Variants in MATCAP1 observed in about 807,000 individuals in gnomAD.
The protein encoded by MATCAP1 is microtubule-associated tyrosine carboxypeptidase 1.
the MATCAP1 span, chr16:67,178,173 G>A: frequency 1.3e-6 from 2 of 1,526,018 alleles, no homozygotes; most frequent in Non-Finnish European, 8.9e-7. Context: ...CCCGGCTCTA[G>A]GCACCTCCCC....
chr16:67,176,853 G>A, the MATCAP1 span: 2 of 1,608,498 alleles, frequency 1.2e-6, no homozygotes, highest in African/African-American at 2.7e-5. This position sits in a 1 kb window ranked among gnomAD's most constrained non-coding sequence, Gnocchi z 4.3. Context: ...CATCCAGCCG[G>A]TTGGTGGCCA....
the MATCAP1 span, chr16:67,176,654 A>G: frequency 1.5e-6 from 1 of 659,656 alleles, no homozygotes; most frequent in Non-Finnish European, 2.4e-6. The surrounding 1 kb of genome is among the most constrained non-coding windows in gnomAD (Gnocchi z 4.3). Context: ...GGACACAAAC[A>G]CTTTGATGTT....
the MATCAP1 span, chr16:67,179,937 C>T: frequency 6.2e-7 from 1 of 1,614,258 alleles, no homozygotes; most frequent in Non-Finnish European, 8.5e-7. This position sits in a 1 kb window ranked among gnomAD's most constrained non-coding sequence, Gnocchi z 5.2. Context: ...TTCTCCAGAA[C>T]AGCCTCAATG....
the MATCAP1 span, among the ~76,000 whole-genome samples, chr16:67,182,271 A>AT: frequency 6.6e-6 from 1 of 151,504 alleles, no homozygotes; most frequent in Non-Finnish European, 1.5e-5. Flanking sequence ...AAAAAAAAAA[A>AT]GTCACTGCCT....
chr16:67,183,102 A>C, the MATCAP1 span, among the ~76,000 whole-genome samples: 1 of 149,612 alleles, frequency 6.7e-6, no homozygotes, highest in African/African-American at 2.5e-5. Flanking sequence ...CCCCCTCTCC[A>C]CTCCTCTCTA....
the MATCAP1 span, chr16:67,180,542 G>A: frequency 1.3e-6 from 2 of 1,542,088 alleles, no homozygotes; most frequent in African/African-American, 1.4e-5. Flanking sequence ...TATGGCGCAG[G>A]GATGGGGGAC....
chr16:67,178,915 G>A, the MATCAP1 span: 2 of 432,334 alleles, frequency 4.6e-6, no homozygotes, highest in Non-Finnish European at 8.8e-6. Flanking sequence ...AATCACTCTT[G>A]CCCAGAGCAA....
chr16:67,178,179 T>G, the MATCAP1 span: 1 of 940,960 alleles, frequency 1.1e-6, no homozygotes, highest in African/African-American at 2.1e-5. Flanking sequence ...TCTAGGCACC[T>G]CCCCCGCGCT....
At chr16:67,181,803 C>G in the MATCAP1 span, 2 of 152,348 alleles carry the variant, frequency 1.3e-5, no homozygotes, top group Non-Finnish European at 2.9e-5. Flanking sequence ...CTCGAGTCAT[C>G]TATACCCAGT....
At chr16:67,176,930 C>A in the MATCAP1 span, 2 of 1,603,028 alleles carry the variant, frequency 1.2e-6, no homozygotes, top group Non-Finnish European at 1.7e-6. The surrounding 1 kb of genome is among the most constrained non-coding windows in gnomAD (Gnocchi z 4.3). Flanking sequence ...CGGGTATTAT[C>A]CAGCACCCCA....
chr16:67,176,971 G>A, the MATCAP1 span: 1 of 1,548,426 alleles, frequency 6.5e-7, no homozygotes. The surrounding 1 kb of genome is among the most constrained non-coding windows in gnomAD (Gnocchi z 4.3). Flanking sequence ...ATCCTCATAG[G>A]ACACCTGCAG....
chr16:67,178,043 G>T, the MATCAP1 span: 12 of 1,614,208 alleles, frequency 7.4e-6, no homozygotes, highest in East Asian at 2.2e-5. Flanking sequence ...GGAAATCGAT[G>T]GTCTGGCGAT....
At chr16:67,176,234 C>T in the MATCAP1 span, 6 of 152,896 alleles carry the variant, frequency 3.9e-5, no homozygotes, top group African/African-American at 1.5e-4. The surrounding 1 kb of genome is among the most constrained non-coding windows in gnomAD (Gnocchi z 4.3). Context: ...GGAAGTAGAC[C>T]ATATAAATAT....
At chr16:67,180,151 T>C in the MATCAP1 span, 1 of 1,614,086 alleles carries the variant, frequency 6.2e-7, no homozygotes. Flanking sequence ...TGGAAGAACT[T>C]GTCTCGCTCA....
the MATCAP1 span, chr16:67,178,642 C>T: frequency 1.2e-6 from 1 of 805,252 alleles, no homozygotes; most frequent in Non-Finnish European, 2.1e-6. Flanking sequence ...CTCAGGCTCG[C>T]ACACAGGCTC....
chr16:67,182,578 T>C, the MATCAP1 span, among the ~76,000 whole-genome samples: 2 of 152,246 alleles, frequency 1.3e-5, no homozygotes, highest in East Asian at 3.8e-4. Flanking sequence ...CAAGCAATCT[T>C]CCCACCTCAG....
the MATCAP1 span, chr16:67,178,646 C>T: frequency 1.3e-6 from 1 of 783,424 alleles, no homozygotes; most frequent in Non-Finnish European, 2.2e-6. Context: ...GGCTCGCACA[C>T]AGGCTCTCCC....
the MATCAP1 span, chr16:67,179,442 G>A: frequency 6.8e-6 from 11 of 1,610,718 alleles, no homozygotes; most frequent in South Asian, 2.2e-5. The surrounding 1 kb of genome is among the most constrained non-coding windows in gnomAD (Gnocchi z 5.2). Context: ...ATCTCATGCC[G>A]CAGCATGCCC....
At chr16:67,178,297 T>G in the MATCAP1 span, 1 of 1,581,920 alleles carries the variant, frequency 6.3e-7, no homozygotes, top group Non-Finnish European at 8.6e-7. Flanking sequence ...CTGGAAGAGC[T>G]GACGGAAGGA....
Sources: allele counts gnomAD v4.1 joint callset (sites outside exome capture counted in the v4.1 genomes callset), GRCh38; gene constraint gnomAD v4.1.1; non-coding constraint Gnocchi (gnomAD v3.1); transcripts MANE v1.5; gene names NCBI Gene and HGNC (gene_info 2026-07-23, HGNC 2026-07-21).